LETM1: variants seen among roughly 807,000 people sequenced by gnomAD.
The protein encoded by LETM1 is mitochondrial proton/calcium exchanger protein.
LETM1 carries 50 observed loss-of-function variants against 74.5 expected under a neutral mutation model. That is an observed-to-expected ratio of 0.67 (90% CI 0.53 to 0.85). The LOEUF (loss-of-function observed/expected upper bound fraction) is 0.85. LETM1 is among the 40% of genes least tolerant of loss of function. The probability of loss-of-function intolerance (pLI) is 0.00; values close to 1 mark genes in which losing one functional copy is unlikely to be tolerated. For missense variants in LETM1, 824 were observed against 967.8 expected, an observed-to-expected ratio of 0.85 and a Z score of 1.97; for synonymous variants, 446 against 407.1, an observed-to-expected ratio of 1.10 and a Z score of -1.15.
intron 2 of LETM1, among the ~76,000 whole-genome samples, chr4:1,846,880 G>C (rs1712899097): frequency 6.6e-6 from 1 of 152,114 alleles, no homozygotes; most frequent in African/African-American, 2.4e-5. Flanking sequence ...GCTGCTACAA[G>C]AGCTGAACAA....
rs775904401 is a variant in LETM1 at position 1,819,357 on chromosome 4, T to A, written c.1724A>T (p.Asp575Val). The change falls in exon 11 of 14, where the codon GAT (aspartate) becomes GTT (valine). Residue 575 changes from aspartate (D) to valine (V), a missense_variant. By Grantham distance (152) the Asp-to-Val change is radical. Around this residue, in one of 4 missense-constraint regions of LETM1, gnomAD observed 161 missense variants for 252.7 expected, o/e 0.64. Coordinates refer to ENST00000302787, the MANE Select transcript of LETM1 (RefSeq NM_012318.3). ...ACCCACCTCGCTGTAGTCCTGCACATCCTCCTTCAGCAGCTCCAGCTCCTC... is the reference window on the plus strand; with the variant it reads ...ACCCACCTCGCTGTAGTCCTGCACAACCTCCTTCAGCAGCTCCAGCTCCTC... ...EKEELELLKE[D>V]VQDYSEDLQE... 1.2e-6 allele frequency: 2 copies of A among 1,612,700 alleles called. No homozygotes were observed. The highest frequency in any genetic ancestry group is 1.3e-5 in the African/African-American group (1 of 74,844).
intron 2 of LETM1, among the ~76,000 whole-genome samples, chr4:1,843,909 G>A (rs1024689400): frequency 3.9e-5 from 6 of 152,206 alleles, no homozygotes; most frequent in Non-Finnish European, 5.9e-5. Flanking sequence ...CCCCTGGCCA[G>A]GCTGTGTTCC....
chr4:1,835,035 CA>C, intron 4 of LETM1, 53 bp from the exon 5 acceptor site: 2 of 1,583,012 alleles, frequency 1.3e-6, no homozygotes, highest in Non-Finnish European at 1.7e-6. Context: ...GTGGTTCGGG[CA>C]AGGAAAACAT....
In LETM1 at chr4:1,822,132, C is replaced by T. The variant is rs1013987959; in HGVS notation, c.1608+49G>A. On this transcript the variant is annotated intron_variant, in intron 10 of 13. Transcript: ENST00000302787. ...CCTGCCCCACAACTGTCCACAAAGC[C>T]AGGCCATGCCCTCCTCAGCCTCCAG... is the stretch of plus-strand genomic sequence containing the variant. 9 of 1,351,442 alleles carry T rather than the reference C, an allele frequency of 6.7e-6. No individual in the cohort carries two copies. In the East Asian group the frequency reaches 2.5e-4, roughly 37 times the overall value. 83.7% of individuals were successfully genotyped at this position (1,351,442 alleles called of 1,614,324 possible).
chr4:1,828,189 C>T (rs1712080165), intron 6 of LETM1, among the ~76,000 whole-genome samples: 1 of 126,364 alleles, frequency 7.9e-6, no homozygotes, highest in South Asian at 2.6e-4. Flanking sequence ...AGGCGCCCCT[C>T]ACCTCCCGGA....
At chr4:1,830,125 A>ATTC (rs1712215296) in intron 6 of LETM1, among the ~76,000 whole-genome samples, 1 of 152,186 alleles carries the variant, frequency 6.6e-6, no homozygotes, top group African/African-American at 2.4e-5. Context: ...GATAACACAG[A>ATTC]TGGTTGACAC....
intron 3 of LETM1, among the ~76,000 whole-genome samples, chr4:1,837,570 CATTA>C (rs370772089): frequency 3.9e-5 from 6 of 151,980 alleles, no homozygotes; most frequent in African/African-American, 1.2e-4. Flanking sequence ...TGATATGCCT[CATTA>C]ATTTTTTTAG....
At chr4:1,826,258 T>C (rs1711982251) in intron 6 of LETM1, among the ~76,000 whole-genome samples, 1 of 152,218 alleles carries the variant, frequency 6.6e-6, no homozygotes, top group South Asian at 2.1e-4. Context: ...AGGGCTCCCA[T>C]GCCAGGACTC....
chr4:1,814,302 T>G lies in LETM1; in HGVS notation c.*122A>C. On this transcript the variant is annotated 3_prime_UTR_variant, in exon 14 of 14. Transcript: ENST00000302787. ...ATTAAAATTTACTTGATTATGGAAG[T>G]CTCTGATTTATTCCAGCCAAAATAT... 7.1e-7 allele frequency: 1 copy of G among 1,414,926 alleles called. No homozygotes were observed. The highest frequency in any genetic ancestry group is 9.7e-7 in the Non-Finnish European group (1 of 1,028,250). 87.6% of individuals were successfully genotyped at this position (1,414,926 alleles called of 1,614,324 possible).
intron 11 of LETM1, among the ~76,000 whole-genome samples, chr4:1,817,954 A>AT: frequency 6.6e-6 from 1 of 152,090 alleles, no homozygotes; most frequent in African/African-American, 2.4e-5. Flanking sequence ...TAATTTTTGT[A>AT]TTTTTTGCAG....
chr4:1,818,540 G>T (rs182339382), intron 11 of LETM1, among the ~76,000 whole-genome samples: 133 of 151,996 alleles, frequency 8.8e-4, no homozygotes, highest in Middle Eastern at 6.8e-3. Flanking sequence ...TTGAACCCAG[G>T]AGGCGGAAGT....
rs758054072 is a variant in LETM1, at chr4:1,816,846, G to C, written c.1812C>G (p.Ala604=). The C allele has an allele frequency of 1.9e-6, 3 of 1,613,940 alleles. No homozygotes were observed. In the Admixed American group the frequency reaches 5.0e-5, roughly 27 times the overall value. Residue 604 remains alanine, a synonymous_variant, in exon 12 of 14, where the codon GCC becomes GCG. Transcript: ENST00000302787. ...GEEKYVEESK[A]SKRLTKRVQQ... ...GCACCCTTTTTGTCAATCTCTTGCTGGCTTTAGATTCTTCCACGTACTTTT... is the reference window on the plus strand; with the variant it reads ...GCACCCTTTTTGTCAATCTCTTGCTCGCTTTAGATTCTTCCACGTACTTTT...
chr4:1,852,921 G>A (rs1216877324), intron 1 of LETM1, among the ~76,000 whole-genome samples: 2 of 152,164 alleles, frequency 1.3e-5, no homozygotes, highest in East Asian at 1.9e-4. Flanking sequence ...CAGTGCTGGT[G>A]CCAGGATCAG....
intron 9 of LETM1, 197 bp downstream of exon 9, chr4:1,822,791 T>G: frequency 2.3e-6 from 1 of 442,072 alleles, no homozygotes; most frequent in Non-Finnish European, 3.7e-6. Context: ...ACTGTGGCCA[T>G]CGGGGAGTCC....
intron 1 of LETM1, among the ~76,000 whole-genome samples, chr4:1,853,872 T>TA (rs1344838235): frequency 6.6e-6 from 1 of 152,206 alleles, no homozygotes; most frequent in Non-Finnish European, 1.5e-5. Flanking sequence ...AAATCCCTAC[T>TA]GTTTCTACAG....
chr4:1,826,267 T>C (rs1278576040), intron 6 of LETM1, among the ~76,000 whole-genome samples: 1 of 152,206 alleles, frequency 6.6e-6, no homozygotes. Flanking sequence ...ATGCCAGGAC[T>C]CTGCAGTAGG....
intron 10 of LETM1, among the ~76,000 whole-genome samples, chr4:1,821,948 C>T (rs1312999784): frequency 2.0e-5 from 3 of 152,232 alleles, no homozygotes; most frequent in Non-Finnish European, 4.4e-5. Flanking sequence ...TTCACGGCAG[C>T]GTCAGCTGCT....
chr4:1,841,407 C>T lies in LETM1; in HGVS notation c.534G>A (p.Ala178=), dbSNP rs1245640684. Residue 178 remains alanine, a synonymous_variant, in exon 3 of 14, where the codon GCG becomes GCA. Transcript: ENST00000302787. ...FRLLWIDTKI[A]ARMLWRILNG... ...TGAGGATGCGCCAGAGCATGCGTGC[C>T]GCGATCTTGGTGTCGATCCATAGCA... 8 of 1,614,030 alleles carry T rather than the reference C, an allele frequency of 5.0e-6. No individual in the cohort carries two copies. In the African/African-American group the frequency reaches 5.3e-5, roughly 11 times the overall value.
intron 11 of LETM1, among the ~76,000 whole-genome samples, chr4:1,818,983 C>G (rs1711678533): frequency 6.6e-6 from 1 of 151,628 alleles, no homozygotes; most frequent in African/African-American, 2.4e-5. Flanking sequence ...ACTCGGGAGG[C>G]TGAGGCACAA....
Sources: allele counts gnomAD v4.1 joint callset (sites outside exome capture counted in the v4.1 genomes callset), GRCh38; gene constraint gnomAD v4.1.1; regional missense constraint gnomAD v4.1.1; transcripts MANE v1.5; gene names NCBI Gene and HGNC (gene_info 2026-07-23, HGNC 2026-07-21).